MTMR7: variants seen among roughly 807,000 people sequenced by gnomAD.
MTMR7 encodes the protein myotubularin related protein 7.
In MTMR7, 76 loss-of-function variants were observed where a neutral mutation model predicts 81.2. That is an observed-to-expected ratio of 0.94 (90% CI 0.78 to 1.13). MTMR7 has a LOEUF of 1.13. Ranked by LOEUF, MTMR7 falls within the 50% of genes most tolerant of loss-of-function variation. The probability of loss-of-function intolerance (pLI) is 0.00; values close to 1 mark genes in which losing one functional copy is unlikely to be tolerated. For missense variants in MTMR7, 1,044 were observed against 820.0 expected, an observed-to-expected ratio of 1.27 and a Z score of -3.34; for synonymous variants, 372 against 289.8, an observed-to-expected ratio of 1.28 and a Z score of -2.88.
At chr8:17,329,165 C>G (rs181932262) in intron 7 of MTMR7, among the ~76,000 whole-genome samples, 1,886 of 152,150 alleles carry the variant, frequency 0.012, 41 homozygotes, top group East Asian at 0.075. Context: ...ACCAAGTGAC[C>G]AGTAGTATGA....
At chr8:17,360,631 T>C (rs1820031747) in intron 4 of MTMR7, among the ~76,000 whole-genome samples, 1 of 152,082 alleles carries the variant, frequency 6.6e-6, no homozygotes, top group Non-Finnish European at 1.5e-5. Flanking sequence ...CTTCCCTGCC[T>C]CTCCATATTC....
In MTMR7 at chr8:17,413,154, G is replaced by C. The variant is rs1460021969; in HGVS notation, c.24+115C>G. ...CAATGCCTGCTCCTCCCTCGCCCGC[G>C]GTCCAGGCTCCGCCGGTGCCCCTCA... On this transcript the variant is annotated intron_variant, in intron 1 of 13. Transcript: ENST00000180173. 6.6e-6 allele frequency: 8 copies of C among 1,217,592 alleles called. No individual in the cohort carries two copies. The East Asian group carries it at 2.2e-4, about 33-fold the overall frequency. 75.4% of individuals were successfully genotyped at this position (1,217,592 alleles called of 1,614,324 possible).
intron 1 of MTMR7, among the ~76,000 whole-genome samples, chr8:17,412,312 T>G (rs1821756468): frequency 6.6e-6 from 1 of 152,196 alleles, no homozygotes; most frequent in African/African-American, 2.4e-5. Context: ...CCACCTGAGC[T>G]ATGGCCACTC....
chr8:17,325,104 G>A (rs1468083194), intron 7 of MTMR7, among the ~76,000 whole-genome samples: 3 of 152,004 alleles, frequency 2.0e-5, no homozygotes, highest in Non-Finnish European at 2.9e-5. Flanking sequence ...AGAATGTGTC[G>A]AGCAAAAGGG....
At position 17,302,237 on chromosome 8, in the gene MTMR7, G is replaced by T. The variant is rs1817164288; in HGVS notation, c.1537C>A (p.Pro513Thr). ...MYNRFEKGMQ[P>T]RQSVTDYLMA... is the part of the protein sequence containing the mutation. ...AGGTAATCTGTAACTGACTGTCGGG[G>T]CTGCATCCCCTTTTCAAAGCGGTTA... Residue 513 changes from proline to threonine, a missense_variant, in exon 13 of 14, where the codon CCC (proline) becomes ACC (threonine). Coordinates refer to ENST00000180173, the MANE Select transcript of MTMR7 (RefSeq NM_004686.5). The T allele has an allele frequency of 3.1e-6, 5 of 1,614,012 alleles. No individual in the cohort carries two copies. Among genetic ancestry groups the T allele is most frequent in the Non-Finnish European group, 4.2e-6 (5 of 1,179,966 alleles).
intron 6 of MTMR7, among the ~76,000 whole-genome samples, chr8:17,334,706 A>G (rs568254363): frequency 6.6e-6 from 1 of 152,356 alleles, no homozygotes; most frequent in South Asian, 2.1e-4. Flanking sequence ...TAGAACTGAC[A>G]ATGGAAAGGA....
At chr8:17,336,260 G>A (rs538725447) in intron 6 of MTMR7, among the ~76,000 whole-genome samples, 14 of 152,044 alleles carry the variant, frequency 9.2e-5, no homozygotes, top group African/African-American at 1.2e-4. Flanking sequence ...GAAGACACCC[G>A]GCGGCTGAGC....
chr8:17,380,516 G>A (rs907542205), intron 1 of MTMR7, among the ~76,000 whole-genome samples: 16 of 151,436 alleles, frequency 1.1e-4, no homozygotes, highest in African/African-American at 2.9e-4. Context: ...GGAAGAAGAC[G>A]AACTGTATTG....
Position 17,332,020 on chromosome 8 carries a change from C to T in MTMR7, c.733-738G>A, listed in dbSNP as rs192372988. ...TAAATCCAAACACTGTCCTAGCCTG[C>T]GTGGCTAAAATCAAGAAGGGGACAA... On this transcript the variant is annotated intron_variant, in intron 6 of 13. Transcript: ENST00000180173. Among the ~76,000 whole-genome samples, 6 of 152,086 alleles carry T rather than the reference C, an allele frequency of 3.9e-5. No individual in the cohort carries two copies. In the East Asian group the frequency reaches 5.8e-4, roughly 15 times the overall value.
intron 4 of MTMR7, among the ~76,000 whole-genome samples, chr8:17,356,073 A>G (rs1448805393): frequency 6.6e-6 from 1 of 152,162 alleles, no homozygotes; most frequent in East Asian, 1.9e-4. Context: ...TATCCACCCC[A>G]TTACCAACAC....
At chr8:17,335,054 T>C (rs1819186933) in intron 6 of MTMR7, among the ~76,000 whole-genome samples, 1 of 152,214 alleles carries the variant, frequency 6.6e-6, no homozygotes, top group Admixed American at 6.5e-5. Context: ...AGGCTCCACC[T>C]GTGGCAGCGG....
At chr8:17,401,530 G>C (rs1821428900) in intron 1 of MTMR7, among the ~76,000 whole-genome samples, 1 of 152,114 alleles carries the variant, frequency 6.6e-6, no homozygotes, top group African/African-American at 2.4e-5. Flanking sequence ...ATATTTAACA[G>C]TATCTCTGGC....
intron 1 of MTMR7, among the ~76,000 whole-genome samples, chr8:17,379,977 G>T (rs1820710976): frequency 6.6e-6 from 1 of 152,164 alleles, no homozygotes; most frequent in Non-Finnish European, 1.5e-5. Flanking sequence ...TGGAGGAGGG[G>T]AGAGTAATTA....
chr8:17,305,687 G>A, intron 11 of MTMR7, 70 bp downstream of exon 11: 1 of 1,357,266 alleles, frequency 7.4e-7, no homozygotes, highest in African/African-American at 1.5e-5. Context: ...ATTATGAAAG[G>A]CCACCTAAAA....
At chr8:17,309,489 A>G (rs771673157) in intron 9 of MTMR7, among the ~76,000 whole-genome samples, 163 bp from the exon 10 acceptor site, 6 of 152,222 alleles carry the variant, frequency 3.9e-5, no homozygotes, top group Non-Finnish European at 7.3e-5. Flanking sequence ...AGAGATGCAC[A>G]TGGCAAAGGC....
intron 6 of MTMR7, among the ~76,000 whole-genome samples, chr8:17,334,481 C>A (rs746737575): frequency 1.3e-5 from 2 of 152,168 alleles, no homozygotes; most frequent in Non-Finnish European, 2.9e-5. Context: ...CACTTCAGTT[C>A]CAATTCATGT....
At chr8:17,353,351 G>C (rs1400915580) in intron 4 of MTMR7, among the ~76,000 whole-genome samples, 1 of 152,114 alleles carries the variant, frequency 6.6e-6, no homozygotes, top group Non-Finnish European at 1.5e-5. Flanking sequence ...AAGTTCCAGA[G>C]ATCTATTATA....
At chr8:17,349,245 G>C in intron 4 of MTMR7, 164 bp from the exon 5 acceptor site, 1 of 708,138 alleles carries the variant, frequency 1.4e-6, no homozygotes, top group Non-Finnish European at 2.3e-6. Flanking sequence ...TTCAGAGGAA[G>C]GAAGTGCCGC....
chr8:17,344,827 T>C (rs569910439), intron 5 of MTMR7, among the ~76,000 whole-genome samples: 1 of 152,308 alleles, frequency 6.6e-6, no homozygotes, highest in South Asian at 2.1e-4. Context: ...TAAGTATTCA[T>C]TATGAAAAGA....
Sources: allele counts gnomAD v4.1 joint callset (sites outside exome capture counted in the v4.1 genomes callset), GRCh38; gene constraint gnomAD v4.1.1; transcripts MANE v1.5; gene names NCBI Gene and HGNC (gene_info 2026-07-23, HGNC 2026-07-21).